ADGRV1: variants seen among roughly 807,000 people sequenced by gnomAD.
ADGRV1 encodes G-protein coupled receptor 98.
A neutral mutation model predicts 596.2 loss-of-function variants in ADGRV1; 359 were observed. The ratio of observed to expected loss-of-function variants is 0.60; its 90% CI spans 0.55 to 0.66. ADGRV1 has a LOEUF of 0.66. ADGRV1 is among the 30% of genes least tolerant of loss of function. The pLI is 0.00. For missense variants in ADGRV1, 7,274 were observed against 7,575.6 expected, an observed-to-expected ratio of 0.96 and a Z score of 1.48; for synonymous variants, 2,681 against 2,679.2, an observed-to-expected ratio of 1.00 and a Z score of -0.02.
At chr5:90,655,608 T>C (rs554395543) in intron 20 of ADGRV1, 7 of 152,200 alleles carry the variant, frequency 4.6e-5, no homozygotes, top group Non-Finnish European at 1.0e-4. Context: ...TATTCGGTTT[T>C]AGTAGATAAT....
intron 86 of ADGRV1, among the ~76,000 whole-genome samples, chr5:91,091,209 A>G (rs897814960): frequency 4.6e-5 from 7 of 152,032 alleles, no homozygotes; most frequent in East Asian, 1.9e-4. Flanking sequence ...AAGTGTCTCT[A>G]TGGGAATGTT....
chr5:90,963,675 A>G (rs1042333137), intron 83 of ADGRV1, among the ~76,000 whole-genome samples: 1 of 151,896 alleles, frequency 6.6e-6, no homozygotes, highest in African/African-American at 2.4e-5. Context: ...TGGAGTAGAA[A>G]GGGACTTTGG....
At chr5:90,722,890 A>AT (rs919744359) in intron 45 of ADGRV1, among the ~76,000 whole-genome samples, 2 of 152,062 alleles carry the variant, frequency 1.3e-5, no homozygotes, top group African/African-American at 4.8e-5. Flanking sequence ...ACTGAACTAT[A>AT]AGAAGGTTCA....
chr5:90,789,320 C>T (rs774059833), intron 68 of ADGRV1, among the ~76,000 whole-genome samples: 8 of 152,156 alleles, frequency 5.3e-5, no homozygotes, highest in Non-Finnish European at 1.2e-4. Context: ...AATTAGTCCT[C>T]ACAGGGCCTG....
chr5:90,805,151 A>G, intron 71 of ADGRV1, 133 bp from the exon 72 acceptor site: 1 of 509,398 alleles, frequency 2.0e-6, no homozygotes, highest in East Asian at 3.3e-5. Flanking sequence ...TTTCTTAAGC[A>G]CTTCTCTTTA....
intron 85 of ADGRV1, among the ~76,000 whole-genome samples, chr5:91,006,045 G>A (rs16869335): frequency 0.14 from 21,030 of 152,088 alleles, 1,963 homozygotes; most frequent in African/African-American, 0.24. Flanking sequence ...CCCTGAGTCT[G>A]TATTTTTCAA....
intron 4 of ADGRV1, among the ~76,000 whole-genome samples, chr5:90,622,066 G>C (rs955240906): frequency 2.0e-5 from 3 of 152,158 alleles, no homozygotes; most frequent in Non-Finnish European, 4.4e-5. Context: ...TCTACCCTGA[G>C]TTTCCACCAG....
At chr5:90,707,769 G>A (rs558104810) in intron 38 of ADGRV1, among the ~76,000 whole-genome samples, 10 of 152,046 alleles carry the variant, frequency 6.6e-5, no homozygotes, top group Middle Eastern at 3.4e-3. Context: ...TTGAACATTG[G>A]GTTTTTGTTT....
Position 90,791,049 on chromosome 5 carries a change from A to G in ADGRV1, c.14220A>G (p.Gly4740=). 1 of 1,613,888 alleles carries G rather than the reference A, an allele frequency of 6.2e-7. No individual in the cohort carries two copies. The highest frequency in any genetic ancestry group is 8.5e-7 in the Non-Finnish European group (1 of 1,179,870). The change falls in exon 70 of 90, where the codon GGA becomes GGG. Residue 4740 remains glycine, a synonymous_variant. Transcript: ENST00000405460. ...YVIQLVSVEG[G]AELDLEKSIT... is the part of the protein sequence containing the mutation. The stretch of plus-strand genomic sequence containing the variant: ...TCCAGCTTGTTTCTGTAGAGGGAGG[A>G]GCCGAACTGGATCTGGAGAAGAGTA...
intron 1 of ADGRV1, among the ~76,000 whole-genome samples, chr5:90,595,099 T>C (rs1760114610): frequency 7.3e-6 from 1 of 136,442 alleles, no homozygotes; most frequent in Non-Finnish European, 1.6e-5. Context: ...ACGGGGCAGC[T>C]GGCCGGGCGG....
chr5:90,819,753 C>T (rs377523364), intron 75 of ADGRV1, among the ~76,000 whole-genome samples: 1,930 of 151,110 alleles, frequency 0.013, 12 homozygotes, highest in Middle Eastern at 0.042. Flanking sequence ...TCCTGAGTTC[C>T]AGTTTGATTG....
Position 90,637,889 on chromosome 5 carries a change from T to G in ADGRV1, c.2181T>G (p.Ile727Met), listed in dbSNP as rs370531439. ...GGCAAAGTGACACAACAATCAACAT[T>G]ACTATCAAAGGTGATGACATACCGG... Reference protein sequence around the residue: ...LSGQSDTTINITIKGDDIPEM... With the variant: ...LSGQSDTTINMTIKGDDIPEM... Residue 727 changes from isoleucine (I) to methionine (M), a missense_variant, in exon 11 of 90, where the codon ATT becomes ATG. Physicochemically the swap from Ile to Met is conservative, Grantham distance 10 (BLOSUM62 1). Transcript: ENST00000405460. 1 of 1,613,592 alleles carries G rather than the reference T, an allele frequency of 6.2e-7. No homozygotes were observed. The highest frequency in any genetic ancestry group is 1.3e-5 in the African/African-American group (1 of 74,920).
At chr5:90,678,248 T>C (rs1413157985) in intron 25 of ADGRV1, among the ~76,000 whole-genome samples, 3 of 152,016 alleles carry the variant, frequency 2.0e-5, no homozygotes, top group Non-Finnish European at 4.4e-5. Flanking sequence ...ATCAAGGATA[T>C]TGGTAGAAGC....
At chr5:90,849,336 A>G (rs952462464) in intron 79 of ADGRV1, among the ~76,000 whole-genome samples, 4 of 152,316 alleles carry the variant, frequency 2.6e-5, no homozygotes, top group Admixed American at 6.5e-5. Flanking sequence ...TTTTATAACT[A>G]TATGTTAACA....
intron 1 of ADGRV1, among the ~76,000 whole-genome samples, chr5:90,571,445 A>T (rs1228721752): frequency 6.6e-6 from 1 of 152,082 alleles, no homozygotes; most frequent in African/African-American, 2.4e-5. Flanking sequence ...TATGTCAGAA[A>T]TTTTTAAATT....
chr5:90,615,114 G>A, intron 2 of ADGRV1, 95 bp downstream of exon 2: 1 of 740,454 alleles, frequency 1.4e-6, no homozygotes. Context: ...GAGATTTTGA[G>A]CAGTTTCATT....
intron 52 of ADGRV1, among the ~76,000 whole-genome samples, chr5:90,746,685 C>T (rs2438359): frequency 0.38 from 58,390 of 151,950 alleles, 12,229 homozygotes; most frequent in Admixed American, 0.54. Flanking sequence ...CTATGTTCTG[C>T]TCATGTTCAT....
intron 68 of ADGRV1, among the ~76,000 whole-genome samples, chr5:90,789,280 G>A (rs888787470): frequency 3.3e-5 from 5 of 152,064 alleles, no homozygotes; most frequent in Non-Finnish European, 5.9e-5. Context: ...AAACAACTGG[G>A]CACTATAGTC....
intron 11 of ADGRV1, among the ~76,000 whole-genome samples, chr5:90,638,258 G>A (rs1177818089): frequency 1.3e-5 from 2 of 151,642 alleles, no homozygotes; most frequent in African/African-American, 2.4e-5. Flanking sequence ...AAAAAAATAG[G>A]CACCAGCAAA....
Sources: gnomAD v4.1 joint callset for allele counts (sites outside exome capture counted in the v4.1 genomes callset) on GRCh38, gnomAD v4.1.1 for gene constraint, MANE v1.5 for transcripts, NCBI Gene and HGNC (gene_info 2026-07-23, HGNC 2026-07-21) for gene names.